PVT1: variants seen among roughly 807,000 people sequenced by gnomAD.
The protein encoded by PVT1 is CXCR4/PVT1 fusion.
chr8:127,899,932 G>A (rs890592896), intron 3 of PVT1, among the ~76,000 whole-genome samples: 4 of 152,194 alleles, frequency 2.6e-5, no homozygotes, highest in African/African-American at 9.6e-5. Context: ...GCTACAAAGG[G>A]CAACGTAACA....
intron 3 of PVT1, among the ~76,000 whole-genome samples, chr8:127,978,207 A>G (rs1054351821): frequency 2.0e-5 from 3 of 152,082 alleles, no homozygotes; most frequent in African/African-American, 7.2e-5. Context: ...GCTGGAGTGC[A>G]GTGGTGCAAT....
At chr8:127,841,669 T>G (rs1021610110) in intron 2 of PVT1, among the ~76,000 whole-genome samples, 11 of 152,140 alleles carry the variant, frequency 7.2e-5, no homozygotes, top group African/African-American at 2.4e-4. Flanking sequence ...CTTGGTGTAC[T>G]TCTCATCACA....
intron 4 of PVT1, among the ~76,000 whole-genome samples, chr8:128,033,939 G>A (rs540670540): frequency 3.3e-4 from 50 of 152,276 alleles, no homozygotes; most frequent in African/African-American, 1.0e-3. Context: ...TTAAGAAGAC[G>A]TATTTGAAAG....
chr8:128,024,530 G>A (rs988153297), intron 4 of PVT1, among the ~76,000 whole-genome samples: 1 of 152,090 alleles, frequency 6.6e-6, no homozygotes, highest in African/African-American at 2.4e-5. Flanking sequence ...GGAGGCTAAG[G>A]TGGGAGGATC....
chr8:127,928,629 C>G (rs1246340430), intron 3 of PVT1, among the ~76,000 whole-genome samples: 1 of 152,234 alleles, frequency 6.6e-6, no homozygotes, highest in Admixed American at 6.5e-5. Flanking sequence ...ACCCTATCCC[C>G]CAGAGGGGTG....
intron 4 of PVT1, among the ~76,000 whole-genome samples, chr8:128,016,260 G>A (rs1817372751): frequency 6.6e-6 from 1 of 150,520 alleles, no homozygotes; most frequent in Non-Finnish European, 1.5e-5. Flanking sequence ...CTGGGCAACA[G>A]ACCAAGACCC....
rs370123893 is a variant in PVT1, at chr8:128,056,431, T to C, written n.913-13729T>C. 1.2e-4 allele frequency among the ~76,000 whole-genome samples: 19 copies of C among 152,352 alleles called. No homozygotes were observed. In the South Asian group the frequency reaches 3.7e-3, roughly 30 times the overall value. On this transcript the variant is annotated intron_variant and non_coding_transcript_variant, in intron 4 of 10. Coordinates refer to ENST00000651587, the Ensembl canonical transcript of PVT1. ...TATATATTTCTATATACAATATATA[T>C]TCATTGCGTGTATACATAAAATTGC...
At chr8:127,856,208 T>C (rs555417470) in intron 2 of PVT1, among the ~76,000 whole-genome samples, 2 of 152,108 alleles carry the variant, frequency 1.3e-5, no homozygotes, top group Admixed American at 6.5e-5. Context: ...AGAGCTTTGA[T>C]GGGGCATGTG....
intron 5 of PVT1, among the ~76,000 whole-genome samples, chr8:128,080,767 T>C (rs1014452638): frequency 2.6e-5 from 4 of 152,260 alleles, no homozygotes; most frequent in Non-Finnish European, 5.9e-5. Flanking sequence ...TGGTGTTGTA[T>C]CTAAAAAGTT....
chr8:127,919,100 C>T (rs148319613), intron 3 of PVT1, among the ~76,000 whole-genome samples: 6 of 152,302 alleles, frequency 3.9e-5, no homozygotes, highest in South Asian at 2.1e-4. Flanking sequence ...GATTGCACGT[C>T]GGGTACCAGG....
At chr8:127,855,496 A>G (rs1220417811) in intron 2 of PVT1, among the ~76,000 whole-genome samples, 1 of 151,854 alleles carries the variant, frequency 6.6e-6, no homozygotes, top group Non-Finnish European at 1.5e-5. Flanking sequence ...TTTGGGGGGG[A>G]CATTTCTGCT....
At chr8:127,862,434 T>C (rs1425999949) in intron 2 of PVT1, among the ~76,000 whole-genome samples, 1 of 152,240 alleles carries the variant, frequency 6.6e-6, no homozygotes, top group South Asian at 2.1e-4. Context: ...CTTTTAATTT[T>C]TATTTTTTAG....
At chr8:127,841,779 G>A (rs1814977423) in intron 2 of PVT1, among the ~76,000 whole-genome samples, 1 of 151,804 alleles carries the variant, frequency 6.6e-6, no homozygotes, top group African/African-American at 2.4e-5. Context: ...AGGCTGGAGT[G>A]CAGTGGCACA....
intron 3 of PVT1, among the ~76,000 whole-genome samples, chr8:127,938,868 T>G (rs1254069798): frequency 5.9e-5 from 9 of 152,142 alleles, no homozygotes; most frequent in Admixed American, 1.3e-4. Context: ...CACAGGGAAG[T>G]TGGTTGAGCG....
At chr8:128,007,144 C>T (rs563898038) in intron 4 of PVT1, among the ~76,000 whole-genome samples, 1 of 152,314 alleles carries the variant, frequency 6.6e-6, no homozygotes, top group Non-Finnish European at 1.5e-5. Flanking sequence ...GGACACGCTC[C>T]AACTGTAACT....
At chr8:127,955,281 C>A (rs1162763507) in intron 3 of PVT1, among the ~76,000 whole-genome samples, 3 of 152,076 alleles carry the variant, frequency 2.0e-5, no homozygotes, top group Non-Finnish European at 2.9e-5. Flanking sequence ...CAGGAGACAC[C>A]CAACTGCCAA....
At chr8:127,823,360 C>T (rs538705478) in intron 2 of PVT1, among the ~76,000 whole-genome samples, 223 of 152,164 alleles carry the variant, frequency 1.5e-3, no homozygotes, top group Non-Finnish European at 2.2e-3. Flanking sequence ...GAAACTCCTG[C>T]TTTTGATATG....
intron 2 of PVT1, among the ~76,000 whole-genome samples, chr8:127,804,497 ATTTTTTT>A (rs1382760268): frequency 7.7e-6 from 1 of 129,760 alleles, no homozygotes; most frequent in Non-Finnish European, 1.7e-5. Context: ...TTAATTTTTT[ATTTTTTT>A]GTATTATAAT....
At chr8:127,798,543 G>A (rs1814424419) in intron 2 of PVT1, among the ~76,000 whole-genome samples, 1 of 151,716 alleles carries the variant, frequency 6.6e-6, no homozygotes, top group Admixed American at 6.6e-5. Flanking sequence ...GGTGTGGGCA[G>A]GAGTCATGGG....
Sources: allele counts gnomAD v4.1 joint callset (sites outside exome capture counted in the v4.1 genomes callset), GRCh38; gene constraint gnomAD v4.1.1; transcripts MANE v1.5; gene names NCBI Gene and HGNC (gene_info 2026-07-23, HGNC 2026-07-21).